Variants in AKAP13 observed in about 807,000 individuals in gnomAD.
AKAP13 encodes A-kinase anchor protein 13.
Under a neutral mutation model 264.5 loss-of-function variants are expected in AKAP13, and 80 were observed. That is an observed-to-expected ratio of 0.30 (90% CI 0.25 to 0.36). The LOEUF (loss-of-function observed/expected upper bound fraction) is 0.36. Among genes scored for constraint, AKAP13 ranks in the 10% least tolerant of loss-of-function variants. The pLI is 1.00. For missense variants in AKAP13, 3,712 were observed against 3,435.2 expected (o/e 1.08, Z -2.01); for synonymous variants, 1,380 against 1,250.2 (o/e 1.10, Z -2.19).
At position 85,587,546 on chromosome 15, in the gene AKAP13, G is replaced by A. The variant is rs117820055; in HGVS notation, c.4161+1723G>A. ...ATGTTTTTATATACCTAGTGGAGTT[G>A]CTGGGTCATATGGTAATTTCCATTT... On this transcript the variant is annotated intron_variant, in intron 8 of 36. Transcript: ENST00000394518. Among the ~76,000 whole-genome samples, 1,245 of 152,300 alleles carry A rather than the reference G, an allele frequency of 8.2e-3. 13 individuals are homozygous for A. The highest frequency in any genetic ancestry group is 0.012 in the South Asian group (60 of 4,824).
At chr15:85,395,838 T>C (rs1030480624) in intron 1 of AKAP13, among the ~76,000 whole-genome samples, 2 of 152,166 alleles carry the variant, frequency 1.3e-5, no homozygotes, top group African/African-American at 2.4e-5. Flanking sequence ...GATTGCCCAC[T>C]GAATAGATGG....
intron 1 of AKAP13, among the ~76,000 whole-genome samples, chr15:85,458,974 A>G (rs1265408791): frequency 6.6e-6 from 1 of 152,178 alleles, no homozygotes; most frequent in Non-Finnish European, 1.5e-5. Context: ...GTACTTGTCT[A>G]GACAGTTTCA....
At chr15:85,512,725 C>G (rs1038243747) in intron 2 of AKAP13, among the ~76,000 whole-genome samples, 1 of 152,194 alleles carries the variant, frequency 6.6e-6, no homozygotes, top group Admixed American at 6.5e-5. Context: ...AGCCCCTCAC[C>G]TGCAGTAGGC....
At chr15:85,616,852 C>G (rs2080956239) in intron 8 of AKAP13, among the ~76,000 whole-genome samples, 1 of 152,198 alleles carries the variant, frequency 6.6e-6, no homozygotes, top group Non-Finnish European at 1.5e-5. Flanking sequence ...GAGGGGAAAG[C>G]AACACAGACT....
intron 6 of AKAP13, among the ~76,000 whole-genome samples, chr15:85,576,217 T>C (rs2079007596): frequency 1.3e-5 from 2 of 152,182 alleles, no homozygotes; most frequent in Admixed American, 1.3e-4. Flanking sequence ...TTGTCTGTGT[T>C]TGGCTTAACT....
At chr15:85,506,439 C>T (rs2076224048) in intron 2 of AKAP13, among the ~76,000 whole-genome samples, 2 of 152,158 alleles carry the variant, frequency 1.3e-5, no homozygotes, top group African/African-American at 4.8e-5. Context: ...TCCCACCTCT[C>T]AGGAAGCTTA....
chr15:85,562,549 A>G (rs2078419121), intron 5 of AKAP13, among the ~76,000 whole-genome samples: 2 of 127,724 alleles, frequency 1.6e-5, no homozygotes, highest in African/African-American at 5.9e-5. Flanking sequence ...TGGGTGACAG[A>G]GTGAGAATCT....
intron 1 of AKAP13, among the ~76,000 whole-genome samples, chr15:85,476,224 C>CT (rs969048804): frequency 1.2e-4 from 18 of 152,168 alleles, no homozygotes; most frequent in African/African-American, 4.3e-4. Context: ...CTCAGTAAGG[C>CT]TTTATAGATA....
chr15:85,403,341 T>C (rs1392000684), intron 1 of AKAP13, among the ~76,000 whole-genome samples: 2 of 152,190 alleles, frequency 1.3e-5, no homozygotes, highest in African/African-American at 4.8e-5. Context: ...GCAAGGAAAT[T>C]GGGCATTTTT....
chr15:85,609,286 G>T (rs983885870), intron 8 of AKAP13, among the ~76,000 whole-genome samples: 1 of 152,076 alleles, frequency 6.6e-6, no homozygotes, highest in Non-Finnish European at 1.5e-5. Context: ...CCTTGTCCCA[G>T]CCTCTAGTAA....
intron 2 of AKAP13, chr15:85,520,663 A>G (rs1439286796): frequency 1.9e-6 from 1 of 518,926 alleles, no homozygotes; most frequent in African/African-American, 1.9e-5. Flanking sequence ...TGGTCAGGAA[A>G]TACAAATTAT....
rs142325859 is a variant in AKAP13, at chr15:85,499,230, T to C, written c.33+13477T>C. Among the ~76,000 whole-genome samples, 71 of 152,326 alleles carry C rather than the reference T, an allele frequency of 4.7e-4. 1 individual carries two copies. The East Asian group carries it at 9.8e-3, about 21-fold the overall frequency. ...ACTATCAAATACAGGGTTGGGTATCTCTTTGTAAGAGATAGCAGTGATTTT... is the reference window on the plus strand; with the variant it reads ...ACTATCAAATACAGGGTTGGGTATCCCTTTGTAAGAGATAGCAGTGATTTT... On this transcript the variant is annotated intron_variant, in intron 2 of 36. Transcript: ENST00000394518.
intron 2 of AKAP13, among the ~76,000 whole-genome samples, chr15:85,492,453 T>G (rs1458060402): frequency 1.3e-5 from 2 of 152,220 alleles, no homozygotes; most frequent in African/African-American, 4.8e-5. Context: ...CTCTATCAAC[T>G]CTTGTTAAAT....
At chr15:85,732,685 T>C (rs2088140394) in intron 30 of AKAP13, among the ~76,000 whole-genome samples, 1 of 150,278 alleles carries the variant, frequency 6.7e-6, no homozygotes, top group East Asian at 1.9e-4. Context: ...AATTCGAATA[T>C]TATATATTTA....
intron 1 of AKAP13, among the ~76,000 whole-genome samples, chr15:85,478,961 A>G (rs148547220): frequency 1.8e-3 from 271 of 152,250 alleles, no homozygotes; most frequent in African/African-American, 6.3e-3. Context: ...CAAGGCCTTA[A>G]ACTGATGTTC....
chr15:85,461,109 A>AATTTTATTTG, intron 1 of AKAP13, among the ~76,000 whole-genome samples: 1 of 150,790 alleles, frequency 6.6e-6, no homozygotes, highest in Admixed American at 6.6e-5. Context: ...AGGACTGTAT[A>AATTTTATTTG]ATTTTATTTT....
Position 85,579,134 on chromosome 15 carries a change from T to A in AKAP13, c.1066T>A (p.Leu356Met), listed in dbSNP as rs747025769. 1.2e-6 allele frequency: 2 copies of A among 1,613,990 alleles called. No homozygotes were observed. The highest frequency in any genetic ancestry group is 2.7e-5 in the African/African-American group (2 of 74,892). The change falls in exon 7 of 37, where the codon TTG becomes ATG. Residue 356 changes from leucine (L) to methionine (M), a missense_variant. Leu to Met is a conservative substitution (Grantham distance 15, BLOSUM62 2). Transcript: ENST00000394518. ...TGCACAGACTGAAAGTCCCTGTGAT[T>A]TGTCAAGCATAGTTGAGGAGGAGAA... is the stretch of plus-strand genomic sequence containing the variant. Reference protein sequence around the residue: ...PVAQTESPCDLSSIVEEENTD... With the variant: ...PVAQTESPCDMSSIVEEENTD...
At chr15:85,492,088 C>A (rs1451860401) in intron 2 of AKAP13, among the ~76,000 whole-genome samples, 1 of 152,210 alleles carries the variant, frequency 6.6e-6, no homozygotes, top group Non-Finnish European at 1.5e-5. Context: ...AAGTCCACAA[C>A]TGTTCCATAA....
chr15:85,521,672 A>G (rs1004068034), intron 3 of AKAP13, 97 bp downstream of exon 3: 5 of 1,332,240 alleles, frequency 3.8e-6, no homozygotes, highest in Non-Finnish European at 5.0e-6. Context: ...AGTGAAGTGT[A>G]GACAGTATAA....
Sources: allele counts gnomAD v4.1 joint callset (sites outside exome capture counted in the v4.1 genomes callset), GRCh38; gene constraint gnomAD v4.1.1; transcripts MANE v1.5; gene names NCBI Gene and HGNC (gene_info 2026-07-23, HGNC 2026-07-21).